Variants in IARS1 observed in about 807,000 individuals in gnomAD.
IARS1 encodes the protein isoleucine--tRNA ligase, cytoplasmic.
A neutral mutation model predicts 168.2 loss-of-function variants in IARS1; 124 were observed. The observed-to-expected ratio is 0.74, with a 90% CI of 0.64 to 0.86. The LOEUF (loss-of-function observed/expected upper bound fraction) is 0.86, where lower values mean the gene tolerates loss of function less well. IARS1 is among the 40% of genes least tolerant of loss of function. The pLI is 0.00. For missense variants in IARS1, 1,452 were observed against 1,515.8 expected (o/e 0.96, Z 0.70); for synonymous variants, 532 against 529.4 (o/e 1.00, Z -0.07).
Position 92,231,252 on chromosome 9 carries a change from A to C in IARS1, c.3284-2126T>G, listed in dbSNP as rs1267182187. ...CCTTAATTTATTCCATCTGCTGGGAATATACTTTTGATCCAGCTATTGTTT... is the reference window on the plus strand; with the variant it reads ...CCTTAATTTATTCCATCTGCTGGGACTATACTTTTGATCCAGCTATTGTTT... On this transcript the variant is annotated intron_variant, in intron 30 of 33. Transcript: ENST00000443024. Among the ~76,000 whole-genome samples the C allele has an allele frequency of 3.9e-5, 6 of 152,318 alleles. No individual in the cohort carries two copies. The East Asian group carries it at 5.8e-4, about 15-fold the overall frequency.
chr9:92,242,820 A>G (rs1446824387), intron 28 of IARS1: 1 of 214,310 alleles, frequency 4.7e-6, no homozygotes, highest in Non-Finnish European at 9.4e-6. Flanking sequence ...CAGCTCTCTA[A>G]TAAGGAAAAA....
intron 30 of IARS1, 127 bp from the exon 31 acceptor site, chr9:92,229,253 CT>C: frequency 1.3e-6 from 1 of 780,810 alleles, no homozygotes; most frequent in Non-Finnish European, 2.0e-6. Context: ...CAACTATACA[CT>C]ATATATATGT....
Position 92,270,989 on chromosome 9 carries a change from A to G in IARS1, c.1201T>C (p.Trp401Arg). ...ACAGTCTTTGTTTCTTCTGACCTCC[A>G]GCAAAAAGGGTAGCTGTGAGTGAAG... ...TTFTHSYPFC[W>R]RSDTPLIYKA... is the part of the protein sequence containing the mutation. Residue 401 changes from tryptophan (W) to arginine (R), a missense_variant, in exon 12 of 34, where the codon TGG becomes CGG. Transcript: ENST00000443024. The G allele has an allele frequency of 6.2e-7, 1 of 1,609,458 alleles. No homozygotes were observed. The highest frequency in any genetic ancestry group is 8.5e-7 in the Non-Finnish European group (1 of 1,177,444).
chr9:92,222,340 CAAAAAAAA>C (rs60335070), intron 33 of IARS1, among the ~76,000 whole-genome samples, 172 bp downstream of exon 33: 5 of 55,394 alleles, frequency 9.0e-5, no homozygotes, highest in African/African-American at 3.6e-4. Context: ...GACTCAGTCT[CAAAAAAAA>C]AAAAAAAAAA....
chr9:92,285,698 A>C (rs745653048), intron 6 of IARS1, 24 bp downstream of exon 6: 3 of 1,417,804 alleles, frequency 2.1e-6, no homozygotes, highest in Admixed American at 3.4e-5. Context: ...TCAATGCTGA[A>C]TAATGTCTCT....
At chr9:92,226,707 G>A (rs1425474306) in intron 31 of IARS1, among the ~76,000 whole-genome samples, 1 of 152,004 alleles carries the variant, frequency 6.6e-6, no homozygotes. Flanking sequence ...CGGCAATCTT[G>A]GTTGTTTCTT....
At chr9:92,286,917 TG>T (rs1835552318) in intron 4 of IARS1, among the ~76,000 whole-genome samples, 1 of 152,092 alleles carries the variant, frequency 6.6e-6, no homozygotes, top group Admixed American at 6.5e-5. Context: ...AAACCATCCA[TG>T]GATGTTAAAA....
At chr9:92,237,638 T>C (rs1428114648) in intron 30 of IARS1, among the ~76,000 whole-genome samples, 1 of 152,240 alleles carries the variant, frequency 6.6e-6, no homozygotes, top group African/African-American at 2.4e-5. Context: ...GTAACTCTTT[T>C]GTTAGACGCA....
Position 92,213,850 on chromosome 9 carries a change from C to T in IARS1, c.3707-2961G>A, listed in dbSNP as rs111948625. Reference sequence around the variant, plus strand: ...TTCTGAGATGGAGTTTAACTCTTGTCGCCCAGGCTGGAGTGCAGTGATGCA... The same window carrying T: ...TTCTGAGATGGAGTTTAACTCTTGTTGCCCAGGCTGGAGTGCAGTGATGCA... On this transcript the variant is annotated intron_variant, in intron 33 of 33. Transcript: ENST00000443024. Among the ~76,000 whole-genome samples the T allele has an allele frequency of 5.9e-5, 9 of 152,088 alleles. 1 individual carries two copies. Among genetic ancestry groups the T allele is most frequent in the East Asian group, 3.9e-4 (2 of 5,150 alleles).
At chr9:92,254,529 G>T (rs1032913135) in intron 20 of IARS1, among the ~76,000 whole-genome samples, 5 of 152,190 alleles carry the variant, frequency 3.3e-5, no homozygotes, top group African/African-American at 1.2e-4. Context: ...ATGTCAGTGG[G>T]CTGAGCCCCA....
rs929883602 is a variant in IARS1 at position 92,260,870 on chromosome 9, G to C, written c.1788-636C>G. 4.6e-5 allele frequency among the ~76,000 whole-genome samples: 7 copies of C among 152,166 alleles called. No individual in the cohort carries two copies. In the South Asian group the frequency reaches 1.4e-3, roughly 32 times the overall value. ...ACAGCTTTATTCACAATTGCCAAAT[G>C]TTAGAAGCAACCCAGATGTCCTTCA... On this transcript the variant is annotated intron_variant, in intron 17 of 33. Coordinates refer to ENST00000443024, the MANE Select transcript of IARS1 (RefSeq NM_002161.6).
chr9:92,263,285 T>C (rs1272286751), intron 16 of IARS1, among the ~76,000 whole-genome samples: 3 of 152,206 alleles, frequency 2.0e-5, no homozygotes, highest in Admixed American at 1.3e-4. Flanking sequence ...ATTTCTCTGT[T>C]ACCAGAGCTC....
chr9:92,214,693 C>T (rs1481359008), intron 33 of IARS1, among the ~76,000 whole-genome samples: 2 of 152,184 alleles, frequency 1.3e-5, no homozygotes, highest in African/African-American at 4.8e-5. Flanking sequence ...CACTCCCACC[C>T]GAATACTGCG....
chr9:92,237,072 T>C (rs1250110690), intron 30 of IARS1, among the ~76,000 whole-genome samples: 1 of 152,238 alleles, frequency 6.6e-6, no homozygotes, highest in African/African-American at 2.4e-5. Flanking sequence ...CTTATTTTTA[T>C]GTTTTTCCTT....
intron 33 of IARS1, among the ~76,000 whole-genome samples, chr9:92,214,312 T>C (rs1416129474): frequency 6.6e-6 from 1 of 151,908 alleles, no homozygotes; most frequent in Admixed American, 6.6e-5. Context: ...TCCCAGCACT[T>C]TGGGAGGCCC....
At chr9:92,244,243 A>G (rs1828857664) in intron 27 of IARS1, among the ~76,000 whole-genome samples, 1 of 152,132 alleles carries the variant, frequency 6.6e-6, no homozygotes, top group South Asian at 2.1e-4. Context: ...CTTCTTTCCC[A>G]GCTACGATAC....
chr9:92,243,684 A>C (rs1478096820), intron 27 of IARS1, among the ~76,000 whole-genome samples: 1 of 152,154 alleles, frequency 6.6e-6, no homozygotes, highest in East Asian at 1.9e-4. Context: ...GGAGCAGCAC[A>C]GCTTTTCAGG....
rs192239449 is a variant in IARS1 at position 92,242,420 on chromosome 9, C to A, written c.3001-90G>T. 1.2e-4 allele frequency: 128 copies of A among 1,029,018 alleles called. No individual in the cohort carries two copies. The African/African-American group carries it at 1.8e-3, about 14-fold the overall frequency. 63.7% of individuals were successfully genotyped at this position (1,029,018 alleles called of 1,614,324 possible). A position where few individuals can be genotyped will look rare whatever the true frequency, so the allele number is the denominator to read the frequency against. Reference sequence around the variant, plus strand: ...TACTGTTGAACAAGGGCTACAGATCCCATGCTGAATCATCACAGAAGGGCA... The same window carrying A: ...TACTGTTGAACAAGGGCTACAGATCACATGCTGAATCATCACAGAAGGGCA... On this transcript the variant is annotated intron_variant, in intron 28 of 33. Coordinates refer to ENST00000443024, the MANE Select transcript of IARS1 (RefSeq NM_002161.6).
At chr9:92,212,741 A>G (rs1445725664) in intron 33 of IARS1, among the ~76,000 whole-genome samples, 1 of 152,214 alleles carries the variant, frequency 6.6e-6, no homozygotes, top group Non-Finnish European at 1.5e-5. Context: ...GAAAGAGCCA[A>G]GTGTGTTCGA....
Sources: allele counts gnomAD v4.1 joint callset (sites outside exome capture counted in the v4.1 genomes callset), GRCh38; gene constraint gnomAD v4.1.1; transcripts MANE v1.5; gene names NCBI Gene and HGNC (gene_info 2026-07-23, HGNC 2026-07-21).